Variants in MUC5AC observed in about 807,000 individuals in gnomAD.
MUC5AC encodes the protein mucin 5AC, oligomeric mucus/gel-forming.
Under a neutral mutation model 169.7 loss-of-function variants are expected in MUC5AC, and 158 were observed. The observed-to-expected ratio is 0.93, with a 90% confidence interval of 0.82 to 1.06. MUC5AC has a LOEUF of 1.06. Ranked by LOEUF, MUC5AC falls within the 50% of genes least tolerant of loss-of-function variation. The pLI is 0.00. For synonymous variants in MUC5AC, 1,975 were observed against 1,237.0 expected (o/e 1.60, Z -12.52); for missense variants, 4,359 against 3,089.9 (o/e 1.41, Z -9.74).
At chr11:1,195,681 AC>A (rs1465268179) in intron 36 of MUC5AC, among the ~76,000 whole-genome samples, 194 bp from the exon 37 acceptor site, 3 of 140,050 alleles carry the variant, frequency 2.1e-5, no homozygotes, top group Non-Finnish European at 4.7e-5. Flanking sequence ...TGCCATCTGG[AC>A]CCCCACCCCC....
At chr11:1,171,367 C>CCATT (rs1860524673) in intron 15 of MUC5AC, among the ~76,000 whole-genome samples, 1 of 131,932 alleles carries the variant, frequency 7.6e-6, no homozygotes, top group African/African-American at 2.9e-5. Context: ...ACCCACTCAC[C>CCATT]CACTCACCCA....
rs765112224 is a variant in MUC5AC, at chr11:1,195,144, C to T, written c.15323C>T (p.Thr5108Met). ...CCAGCCTGCCACCGGCCTCACCCGA[C>T]GCCCACCACGGTCGGGCCCACCACA... ...DQPACHRPHPTPTTVGPTTVG... is the reference protein window; with the variant it reads ...DQPACHRPHPMPTTVGPTTVG... The change falls in exon 36 of 49, where the codon ACG (threonine) becomes ATG (methionine). Residue 5108 changes from threonine to methionine, a missense_variant. Thr to Met is a moderately conservative substitution (Grantham distance 81). Transcript: ENST00000621226. 9.2e-6 allele frequency: 7 copies of T among 761,214 alleles called. No individual in the cohort carries two copies. The highest frequency in any genetic ancestry group is 2.7e-5 in the South Asian group (2 of 74,528). 47.2% of individuals were successfully genotyped at this position (761,214 alleles called of 1,614,324 possible).
chr11:1,164,712 G>A (rs555267711), intron 9 of MUC5AC, among the ~76,000 whole-genome samples, 180 bp downstream of exon 9: 5 of 151,036 alleles, frequency 3.3e-5, no homozygotes, highest in Admixed American at 3.3e-4. Flanking sequence ...GCCCCCTGAG[G>A]CTGGCTGAGG....
chr11:1,187,039 C>T lies in MUC5AC; in HGVS notation c.8894C>T (p.Thr2965Ile), dbSNP rs1860968417. The T allele has an allele frequency of 1.3e-6, 1 of 749,318 alleles. No homozygotes were observed. The highest frequency in any genetic ancestry group is 2.3e-4 in the Middle Eastern group (1 of 4,422). 46.4% of individuals were successfully genotyped at this position (749,318 alleles called of 1,614,324 possible). The stretch of plus-strand genomic sequence containing the variant: ...ATCTCTGTTCCTACCACCAGCACAA[C>T]TTCTGCTTCTACAACCAGCACAACC... ...STISVPTTST[T>I]SASTTSTTSG... The change falls in exon 31 of 49, where the codon ACT (threonine) becomes ATT (isoleucine). Residue 2965 changes from threonine (T) to isoleucine (I), a missense_variant. Physicochemically the swap from Thr to Ile is moderately conservative, Grantham distance 89. Coordinates refer to ENST00000621226, the MANE Select transcript of MUC5AC (RefSeq NM_001304359.2).
chr11:1,161,646 C>A, intron 3 of MUC5AC, 60 bp downstream of exon 3: 1 of 1,555,028 alleles, frequency 6.4e-7, no homozygotes, highest in Non-Finnish European at 8.7e-7. Flanking sequence ...GCTCCCCGCT[C>A]AGGCCTGGAG....
At chr11:1,198,064 T>C (rs963408351) in intron 42 of MUC5AC, 60 bp downstream of exon 42, 15 of 637,706 alleles carry the variant, frequency 2.4e-5, no homozygotes, top group South Asian at 5.2e-5. Context: ...ACCTGGGATT[T>C]TGGGGGGCCA....
At position 1,186,957 on chromosome 11, in the gene MUC5AC, A is replaced by C. The variant is rs1293005033; in HGVS notation, c.8812A>C (p.Thr2938Pro). The C allele has an allele frequency of 4.1e-6, 3 of 734,866 alleles. No homozygotes were observed. In the East Asian group the frequency reaches 7.5e-5, roughly 18 times the overall value. 45.5% of individuals were successfully genotyped at this position (734,866 alleles called of 1,614,324 possible). Residue 2938 changes from threonine (T) to proline (P), a missense_variant, in exon 31 of 49, where the codon ACC becomes CCC. Coordinates refer to ENST00000621226, the MANE Select transcript of MUC5AC (RefSeq NM_001304359.2). Reference sequence around the variant, plus strand: ...AACCAGCACAATCTCTGTTCCTACAACCAGCACAACTTCTGTTCCTGGAAC... The same window carrying C: ...AACCAGCACAATCTCTGTTCCTACACCCAGCACAACTTCTGTTCCTGGAAC... ...TTTSTISVPT[T>P]STTSVPGTTP... is the part of the protein sequence containing the mutation.
In MUC5AC at chr11:1,190,344, C is replaced by G. The variant is rs1164477718; in HGVS notation, c.12199C>G (p.Pro4067Ala). 6.1e-6 allele frequency: 4 copies of G among 656,854 alleles called. No individual in the cohort carries two copies. The African/African-American group carries it at 7.2e-5, about 12-fold the overall frequency. The allele number at this position is 656,854 out of a possible 1,614,324, so 40.7% of individuals were successfully genotyped here. A position where few individuals can be genotyped will look rare whatever the true frequency, so the allele number is the denominator to read the frequency against. ...CGTGACCTCCACACCTGTGACAGCTCCTAGCACCCCTAGTGGGAGAGCCAC... is the reference window on the plus strand; with the variant it reads ...CGTGACCTCCACACCTGTGACAGCTGCTAGCACCCCTAGTGGGAGAGCCAC... ...CPVTSTPVTAPSTPSGRATSP... is the reference protein window; with the variant it reads ...CPVTSTPVTAASTPSGRATSP... Residue 4067 changes from proline (P) to alanine (A), a missense_variant, in exon 31 of 49, where the codon CCT becomes GCT. By Grantham distance (27) the Pro-to-Ala change is conservative (BLOSUM62 -1). Transcript: ENST00000621226.
intron 6 of MUC5AC, among the ~76,000 whole-genome samples, chr11:1,163,267 C>T (rs1860199990): frequency 6.6e-6 from 1 of 152,248 alleles, no homozygotes; most frequent in South Asian, 2.1e-4. Context: ...GGGCCCCTTG[C>T]TCTGTGTGGC....
At chr11:1,196,530 A>G in intron 38 of MUC5AC, 55 bp downstream of exon 38, 1 of 764,342 alleles carries the variant, frequency 1.3e-6, no homozygotes, top group South Asian at 1.3e-5. Context: ...CCCAGTCCCC[A>G]GCCTCCCGCT....
intron 2 of MUC5AC, among the ~76,000 whole-genome samples, chr11:1,161,073 G>A (rs543147668): frequency 2.0e-5 from 3 of 152,324 alleles, no homozygotes; most frequent in South Asian, 2.1e-4. Context: ...CATGTGGCTC[G>A]TGCTAGCGGG....
Position 1,186,886 on chromosome 11 carries a change from C to CCAGCACAACCTCTGCCCCTACAAG in MUC5AC, c.8754_8777dup (p.Pro2920_Ala2927dup). 1.4e-6 allele frequency: 1 copy of CCAGCACAACCTCTGCCCCTACAAG among 727,564 alleles called. No individual in the cohort carries two copies. The highest frequency in any genetic ancestry group is 2.5e-6 in the Non-Finnish European group (1 of 398,704). The allele number at this position is 727,564 out of a possible 1,614,324, so 45.1% of individuals were successfully genotyped here. On this transcript the variant is annotated inframe_insertion, in exon 31 of 49. Coordinates refer to ENST00000621226, the MANE Select transcript of MUC5AC (RefSeq NM_001304359.2). ...ACCAGCACAACCTCTGCCCCTACAA[C>CCAGCACAACCTCTGCCCCTACAAG]CAGCACAACCTCTGCCCCTACAAGC...
chr11:1,179,374 T>G, intron 26 of MUC5AC, 126 bp downstream of exon 26: 1 of 465,060 alleles, frequency 2.2e-6, no homozygotes, highest in Non-Finnish European at 3.8e-6. Flanking sequence ...CAGAAACACC[T>G]GGGCCCAGAG....
chr11:1,187,202 C>T lies in MUC5AC; in HGVS notation c.9057C>T (p.Ser3019=). Residue 3019 remains serine (S), a synonymous_variant, in exon 31 of 49, where the codon AGC becomes AGT. Transcript: ENST00000621226. ...GCACACCCTCTGCCCCTACAACCAG[C>T]ACAACCTTAGCTCCTACAACCAGCA... ...TTSTPSAPTT[S]TTLAPTTSTT... The T allele has an allele frequency of 7.1e-6, 5 of 701,656 alleles. No individual in the cohort carries two copies. The highest frequency in any genetic ancestry group is 4.4e-5 in the South Asian group (3 of 67,766). The allele number at this position is 701,656 out of a possible 1,614,324, so 43.5% of individuals were successfully genotyped here.
Position 1,182,909 on chromosome 11 carries a change from C to G in MUC5AC, c.4764C>G (p.Ile1588Met), listed in dbSNP as rs879210554. ...LQELCTWTEW[I>M]DGSYPAPGIN... ...AGCTTTGCACCTGGACCGAGTGGAT[C>G]GATGGCAGCTACCCTGCTCCTGGAA... Residue 1588 changes from isoleucine to methionine, a missense_variant, in exon 31 of 49, where the codon ATC becomes ATG. By Grantham distance (10) the Ile-to-Met change is conservative. Coordinates refer to ENST00000621226, the MANE Select transcript of MUC5AC (RefSeq NM_001304359.2). 2.5e-6 allele frequency: 1 copy of G among 398,584 alleles called. No individual in the cohort carries two copies. The highest frequency in any genetic ancestry group is 4.4e-6 in the Non-Finnish European group (1 of 226,164). The allele number at this position is 398,584 out of a possible 1,614,324, so 24.7% of individuals were successfully genotyped here. A position where few individuals can be genotyped will look rare whatever the true frequency, so the allele number is the denominator to read the frequency against.
In MUC5AC at chr11:1,168,918, G is replaced by A; in HGVS notation, c.1762G>A (p.Val588Met). ...CGATGACTTCCGGACCCTCAGTGGG[G>A]TGGTGGAGGCCACCGCTGCGGCCTT... ...QADDFRTLSG[V>M]VEATAAAFFN... The change falls in exon 15 of 49, where the codon GTG becomes ATG. Residue 588 changes from valine to methionine, a missense_variant. By Grantham distance (21) the Val-to-Met change is conservative. Coordinates refer to ENST00000621226, the MANE Select transcript of MUC5AC (RefSeq NM_001304359.2). 2.5e-6 allele frequency: 4 copies of A among 1,611,242 alleles called. No individual in the cohort carries two copies. The highest frequency in any genetic ancestry group is 3.4e-6 in the Non-Finnish European group (4 of 1,179,062).
chr11:1,160,682 G>A lies in MUC5AC; in HGVS notation c.144G>A (p.Gly48=), dbSNP rs1269375011. 1 of 1,609,392 alleles carries A rather than the reference G, an allele frequency of 6.2e-7. No individual in the cohort carries two copies. The highest frequency in any genetic ancestry group is 8.5e-7 in the Non-Finnish European group (1 of 1,179,302). The part of the protein sequence containing the change: ...HHPALSPIAR[G]PSGVPLRGAT... ...CTGCCCTCTCTCCTATCGCCCGGGGGCCCAGCGGTGAGTCTGAGTGTCCGG... is the reference window on the plus strand; with the variant it reads ...CTGCCCTCTCTCCTATCGCCCGGGGACCCAGCGGTGAGTCTGAGTGTCCGG... Residue 48 remains glycine (G), a synonymous_variant, in exon 2 of 49, where the codon GGG becomes GGA. Coordinates refer to ENST00000621226, the MANE Select transcript of MUC5AC (RefSeq NM_001304359.2).
chr11:1,179,150 G>A lies in MUC5AC; in HGVS notation c.3386G>A (p.Gly1129Glu). Reference sequence around the variant, plus strand: ...AACGACGCGTGCGCCTGCGACTCCGGGGGTGACTGCGAGTGCTTCTGCACG... The same window carrying A: ...AACGACGCGTGCGCCTGCGACTCCGAGGGTGACTGCGAGTGCTTCTGCACG... ...CVNDACACDS[G>E]GDCECFCTAV... Residue 1129 changes from glycine (G) to glutamate (E), a missense_variant, in exon 26 of 49, where the codon GGG becomes GAG. Coordinates refer to ENST00000621226, the MANE Select transcript of MUC5AC (RefSeq NM_001304359.2). 3.0e-6 allele frequency: 2 copies of A among 677,678 alleles called. No homozygotes were observed. Among genetic ancestry groups the A allele is most frequent in the East Asian group, 2.7e-5 (1 of 36,864 alleles). 42.0% of individuals were successfully genotyped at this position (677,678 alleles called of 1,614,324 possible).
chr11:1,161,118 G>A (rs1860129215), intron 2 of MUC5AC, among the ~76,000 whole-genome samples: 1 of 152,246 alleles, frequency 6.6e-6, no homozygotes. Context: ...GGCAGAGGCA[G>A]GGCAGGCAAG....
Sources: gnomAD v4.1 joint callset for allele counts (sites outside exome capture counted in the v4.1 genomes callset) on GRCh38, gnomAD v4.1.1 for gene constraint, MANE v1.5 for transcripts, NCBI Gene and HGNC (gene_info 2026-07-23, HGNC 2026-07-21) for gene names.